Variants in TEX101 observed in about 807,000 individuals in gnomAD.
TEX101 encodes the protein testis-expressed protein 101.
In TEX101, 10 loss-of-function variants were observed where a neutral mutation model predicts 18.1. The observed-to-expected ratio is 0.55, with a 90% confidence interval of 0.34 to 0.94. The LOEUF (loss-of-function observed/expected upper bound fraction) is 0.94, where lower values mean the gene tolerates loss of function less well. Among genes scored for constraint, TEX101 ranks in the 40% least tolerant of loss-of-function variants. The pLI, the probability that TEX101 is intolerant of heterozygous loss-of-function variation, is 0.02. For synonymous variants in TEX101, 94 were observed against 114.8 expected (o/e 0.82, Z 1.16); for missense variants, 259 against 298.9 (o/e 0.87, Z 0.98).
chr19:43,397,205 C>T (rs569165024), upstream of TEX101, among the ~76,000 whole-genome samples: 52 of 152,202 alleles, frequency 3.4e-4, no homozygotes, highest in African/African-American at 9.9e-4. Context: ...GGAGTGAAGA[C>T]GCTAGCCAGG....
At chr19:43,405,564 A>G (rs1970353520) in intron 2 of TEX101, among the ~76,000 whole-genome samples, 1 of 150,554 alleles carries the variant, frequency 6.6e-6, no homozygotes. Context: ...AAAAAAAAAA[A>G]AAAAAAAAAA....
chr19:43,401,740 C>T (rs1194605125), intron 1 of TEX101, among the ~76,000 whole-genome samples: 3 of 152,094 alleles, frequency 2.0e-5, no homozygotes, highest in Admixed American at 2.0e-4. Context: ...GTAATCCCAG[C>T]TACTCAGGAG....
chr19:43,404,154 G>C (rs1970341833), intron 2 of TEX101, among the ~76,000 whole-genome samples: 1 of 150,318 alleles, frequency 6.7e-6, no homozygotes, highest in Non-Finnish European at 1.5e-5. Context: ...GTGTGTGCTG[G>C]CTTTATCACG....
the TEX101 span, among the ~76,000 whole-genome samples, chr19:43,390,630 G>T: frequency 6.6e-6 from 1 of 151,290 alleles, no homozygotes; most frequent in Non-Finnish European, 1.5e-5. Flanking sequence ...ACCACGCCCG[G>T]CTAATTTTTT....
At chr19:43,394,661 G>A in the TEX101 span, among the ~76,000 whole-genome samples, 183 of 152,078 alleles carry the variant, frequency 1.2e-3, no homozygotes, top group Non-Finnish European at 1.6e-3. Flanking sequence ...TAGTAGAGAC[G>A]GGGTTTCACC....
rs995800791 is a variant in TEX101, at chr19:43,408,080, C to T, written c.15+1561C>T. Among the ~76,000 whole-genome samples the T allele has an allele frequency of 4.0e-4, 61 of 152,336 alleles. 1 individual carries two copies. Among genetic ancestry groups the T allele is most frequent in the African/African-American group, 1.4e-3 (58 of 41,584 alleles). ...CCTCAATCCCGGGGGTCTCCCGCGT[C>T]CCCATACCCCCACCCCGGCCTCTGG... On this transcript the variant is annotated intron_variant, in intron 3 of 7. Transcript: ENST00000602198.
chr19:43,418,159 G>A lies in TEX101; in HGVS notation c.521-9G>A. On this transcript the variant is annotated splice_polypyrimidine_tract_variant and intron_variant, in intron 5 of 5. Transcript: ENST00000598265. ...TCTCTGTCTCTCCCGATCCTTCCTTGTTCTATAGGTGGCATTGAGTCGTCT... is the reference window on the plus strand; with the variant it reads ...TCTCTGTCTCTCCCGATCCTTCCTTATTCTATAGGTGGCATTGAGTCGTCT... 2 of 1,614,116 alleles carry A rather than the reference G, an allele frequency of 1.2e-6. No homozygotes were observed. Among genetic ancestry groups the A allele is most frequent in the Non-Finnish European group, 1.7e-6 (2 of 1,179,982 alleles).
upstream of TEX101, among the ~76,000 whole-genome samples, chr19:43,396,590 C>A (rs1261872996): frequency 1.3e-5 from 2 of 152,102 alleles, no homozygotes; most frequent in Non-Finnish European, 1.5e-5. Context: ...ATTTTGGGAA[C>A]CACTCCTTTA....
chr19:43,406,997 T>C (rs756117484), intron 3 of TEX101, among the ~76,000 whole-genome samples: 5 of 148,856 alleles, frequency 3.4e-5, no homozygotes, highest in Admixed American at 6.8e-5. Context: ...GGTGCCACCA[T>C]TGCTCACTGC....
chr19:43,398,424 C>T (rs981142432), upstream of TEX101, among the ~76,000 whole-genome samples: 7 of 150,672 alleles, frequency 4.6e-5, no homozygotes, highest in East Asian at 1.9e-4. Flanking sequence ...TACAGGCATG[C>T]ACCACCACGC....
the TEX101 span, among the ~76,000 whole-genome samples, chr19:43,390,539 C>A: frequency 8.1e-6 from 1 of 123,936 alleles, no homozygotes; most frequent in Admixed American, 1.0e-4. Flanking sequence ...GTGATCTCGG[C>A]TCACTGCAAC....
At chr19:43,392,343 T>C in the TEX101 span, among the ~76,000 whole-genome samples, 2 of 152,070 alleles carry the variant, frequency 1.3e-5, no homozygotes, top group African/African-American at 2.4e-5. Context: ...TTGTGGATTC[T>C]TGATTAAAAA....
the TEX101 span, among the ~76,000 whole-genome samples, chr19:43,395,230 G>C: frequency 6.6e-6 from 1 of 152,136 alleles, no homozygotes; most frequent in African/African-American, 2.4e-5. Flanking sequence ...TATCATCTGG[G>C]TAGAAAACAC....
chr19:43,415,183 T>G (rs1466342369), intron 1 of TEX101, 145 bp downstream of exon 1: 2 of 426,612 alleles, frequency 4.7e-6, no homozygotes, highest in Non-Finnish European at 6.2e-6. Context: ...GATCCCTACA[T>G]AGGACGGGGC....
At chr19:43,390,080 T>G in the TEX101 span, among the ~76,000 whole-genome samples, 2 of 152,224 alleles carry the variant, frequency 1.3e-5, no homozygotes, top group Admixed American at 1.3e-4. Context: ...CCTCGAAGGT[T>G]GGGTGATGTG....
chr19:43,412,171 G>A (rs1289306009), upstream of TEX101, among the ~76,000 whole-genome samples: 1 of 152,242 alleles, frequency 6.6e-6, no homozygotes, highest in African/African-American at 2.4e-5. Context: ...TCAAGGTTCT[G>A]CAGCTGTACA....
At chr19:43,405,610 T>C (rs867855330) in intron 2 of TEX101, among the ~76,000 whole-genome samples, 12 of 147,396 alleles carry the variant, frequency 8.1e-5, no homozygotes, top group African/African-American at 3.0e-4. Flanking sequence ...AATAATAAAT[T>C]ATTTATTTAA....
At chr19:43,409,737 C>A (rs1970402476) in intron 3 of TEX101, among the ~76,000 whole-genome samples, 1 of 151,998 alleles carries the variant, frequency 6.6e-6, no homozygotes, top group South Asian at 2.1e-4. Flanking sequence ...CCATTGCACT[C>A]CAGCTCTGGG....
chr19:43,406,924 G>GTTTTTTTTTTTTTTTTTTTTTTTTT (rs201495986), intron 3 of TEX101, among the ~76,000 whole-genome samples: 2 of 101,970 alleles, frequency 2.0e-5, no homozygotes, highest in Admixed American at 9.7e-5. Context: ...TTTTGTCTTT[G>GTTTTTTTTTTTTTTTTTTTTTTTTT]TTTTTTGTTT....
Sources: allele counts gnomAD v4.1 joint callset (sites outside exome capture counted in the v4.1 genomes callset), GRCh38; gene constraint gnomAD v4.1.1; transcripts MANE v1.5; gene names NCBI Gene and HGNC (gene_info 2026-07-23, HGNC 2026-07-21).